PTPRD: variants seen among roughly 807,000 people sequenced by gnomAD.
PTPRD encodes the protein protein tyrosine phosphatase receptor type D.
PTPRD carries 34 observed loss-of-function variants against 214.5 expected under a neutral mutation model. The observed-to-expected ratio is 0.16, with a 90% CI of 0.12 to 0.21. The LOEUF (loss-of-function observed/expected upper bound fraction) is 0.21, where lower values mean the gene tolerates loss of function less well. Among genes scored for constraint, PTPRD ranks in the 10% least tolerant of loss-of-function variants. The probability of loss-of-function intolerance (pLI) is 1.00; values close to 1 mark genes in which losing one functional copy is unlikely to be tolerated. For synonymous variants in PTPRD, 1,128 were observed against 845.7 expected (o/e 1.33, Z -5.79); for missense variants, 2,545 against 2,398.7 (o/e 1.06, Z -1.27).
At chr9:9,941,898 A>G (rs2091558887) in intron 4 of PTPRD, among the ~76,000 whole-genome samples, 1 of 152,222 alleles carries the variant, frequency 6.6e-6, no homozygotes, top group Non-Finnish European at 1.5e-5. Flanking sequence ...TTAGCTAACT[A>G]TGACAACAAA....
At chr9:8,602,818 T>G (rs1160607527) in intron 14 of PTPRD, among the ~76,000 whole-genome samples, 3 of 152,206 alleles carry the variant, frequency 2.0e-5, no homozygotes, top group Non-Finnish European at 4.4e-5. Context: ...AAAATGAATG[T>G]GAATATCTTT....
intron 5 of PTPRD, among the ~76,000 whole-genome samples, chr9:9,817,313 G>C (rs1377017661): frequency 6.6e-6 from 1 of 152,098 alleles, no homozygotes; most frequent in Non-Finnish European, 1.5e-5. Flanking sequence ...TTTGTTTTTA[G>C]ATTAACATAC....
intron 11 of PTPRD, among the ~76,000 whole-genome samples, chr9:8,760,660 G>A (rs2094357194): frequency 6.6e-6 from 1 of 151,572 alleles, no homozygotes; most frequent in Admixed American, 6.6e-5. Context: ...GTTTTATGGA[G>A]GTGCCTAGTC....
chr9:9,406,601 T>C (rs2073491437), intron 8 of PTPRD, among the ~76,000 whole-genome samples: 1 of 151,912 alleles, frequency 6.6e-6, no homozygotes, highest in South Asian at 2.1e-4. Flanking sequence ...AATTTTGATA[T>C]ATTTGATATG....
intron 9 of PTPRD, among the ~76,000 whole-genome samples, chr9:9,307,298 T>C (rs1353554634): frequency 6.6e-6 from 1 of 152,162 alleles, no homozygotes; most frequent in East Asian, 1.9e-4. Flanking sequence ...GTTTCTCTCT[T>C]GGAGGCTAGG....
intron 20 of PTPRD, among the ~76,000 whole-genome samples, chr9:8,520,279 G>A (rs1462974322): frequency 5.9e-5 from 9 of 152,078 alleles, no homozygotes; most frequent in Middle Eastern, 3.4e-3. Context: ...ATTATTTCAC[G>A]ATTGTAAATG....
intron 3 of PTPRD, among the ~76,000 whole-genome samples, chr9:10,082,248 T>A (rs2098251112): frequency 2.6e-5 from 4 of 152,126 alleles, no homozygotes; most frequent in Admixed American, 2.6e-4. Context: ...GTTTGATTGA[T>A]TAGTTGGTAC....
chr9:9,229,657 T>G (rs761705551), intron 9 of PTPRD, among the ~76,000 whole-genome samples: 1 of 151,916 alleles, frequency 6.6e-6, no homozygotes, highest in East Asian at 1.9e-4. Context: ...CTCCCCAAAA[T>G]CAAATAAGAC....
rs575145968 is a variant in PTPRD, at chr9:9,615,312, C to T, written c.-286-40531G>A. Among the ~76,000 whole-genome samples the T allele has an allele frequency of 2.2e-4, 33 of 152,232 alleles. No individual in the cohort carries two copies. The South Asian group carries it at 5.6e-3, about 26-fold the overall frequency. ...ACCTGGACTACCTTGCACTTCACAC[C>T]GGCCACCAGGCGCTGATCTGTTGCT... On this transcript the variant is annotated intron_variant, in intron 7 of 45. Transcript: ENST00000381196.
chr9:9,517,297 T>C (rs868013187), intron 8 of PTPRD, among the ~76,000 whole-genome samples: 27 of 152,090 alleles, frequency 1.8e-4, no homozygotes, highest in Admixed American at 7.2e-4. Flanking sequence ...TCAGTTTGTA[T>C]GGGGTAGGGA....
At chr9:8,524,811 T>G (rs1460326636) in intron 18 of PTPRD, 114 bp downstream of exon 18, 4 of 866,308 alleles carry the variant, frequency 4.6e-6, no homozygotes, top group Non-Finnish European at 5.9e-6. Flanking sequence ...TCAGCTACGG[T>G]CACTATTACC....
chr9:9,723,518 A>G (rs1478444274), intron 7 of PTPRD, among the ~76,000 whole-genome samples: 1 of 152,056 alleles, frequency 6.6e-6, no homozygotes, highest in Non-Finnish European at 1.5e-5. Context: ...GGTCCTTGAC[A>G]ATGCCATGTG....
At chr9:10,385,960 C>T (rs2097906754) in intron 2 of PTPRD, among the ~76,000 whole-genome samples, 1 of 151,762 alleles carries the variant, frequency 6.6e-6, no homozygotes, top group Non-Finnish European at 1.5e-5. Flanking sequence ...ATTAAAACAG[C>T]ATCTTTTGAA....
rs141998183 is a variant in PTPRD at position 9,305,035 on chromosome 9, C to T, written c.-203+92414G>A. Among the ~76,000 whole-genome samples the T allele has an allele frequency of 1.6e-3, 245 of 149,754 alleles. 1 individual carries two copies. Among genetic ancestry groups the T allele is most frequent in the African/African-American group, 5.9e-3 (238 of 40,542 alleles). On this transcript the variant is annotated intron_variant, in intron 9 of 45. Coordinates refer to ENST00000381196, the MANE Select transcript of PTPRD (RefSeq NM_002839.4). ...CCCTTAGTTTTCGGTCAATACTTCA[C>T]GCCCACCTGTTAGAGTCCCTAGTCC... is the stretch of plus-strand genomic sequence containing the variant.
rs1379830204 is a variant in PTPRD at position 8,447,681 on chromosome 9, G to C, written c.3988+2044C>G. ...GGAAACATTTTCTGTTGGTGCGAGA[G>C]GAGGTGAGGTGTAGCAGCACTCTCA... On this transcript the variant is annotated intron_variant, in intron 34 of 45. Coordinates refer to ENST00000381196, the MANE Select transcript of PTPRD (RefSeq NM_002839.4). Among the ~76,000 whole-genome samples, 3 of 152,128 alleles carry C rather than the reference G, an allele frequency of 2.0e-5. No homozygotes were observed. The East Asian group carries it at 5.8e-4, about 29-fold the overall frequency.
chr9:9,165,697 A>G (rs1177531912), intron 10 of PTPRD, among the ~76,000 whole-genome samples: 1 of 152,222 alleles, frequency 6.6e-6, no homozygotes, highest in Non-Finnish European at 1.5e-5. Context: ...AGCAATGTGT[A>G]CATTTCACGG....
Position 10,167,550 on chromosome 9 carries a change from G to C in PTPRD, c.-544-133760C>G, listed in dbSNP as rs932047413. Among the ~76,000 whole-genome samples, 81 of 152,216 alleles carry C rather than the reference G, an allele frequency of 5.3e-4. 1 individual carries two copies. Among genetic ancestry groups the C allele is most frequent in the Admixed American group, 4.4e-3 (68 of 15,284 alleles). On this transcript the variant is annotated intron_variant, in intron 3 of 45. Coordinates refer to ENST00000381196, the MANE Select transcript of PTPRD (RefSeq NM_002839.4). ...GAAATGGAATACTCTTTTCTGAACT[G>C]TAATTTTTAGGAAAGTATTATGCAT...
intron 12 of PTPRD, among the ~76,000 whole-genome samples, chr9:8,652,942 G>A (rs922591858): frequency 6.6e-6 from 1 of 152,078 alleles, no homozygotes. Flanking sequence ...AAAGCCTCTG[G>A]GATCTCAAAA....
intron 34 of PTPRD, among the ~76,000 whole-genome samples, chr9:8,447,653 C>A (rs559685567): frequency 6.6e-6 from 1 of 152,252 alleles, no homozygotes; most frequent in Non-Finnish European, 1.5e-5. Context: ...TGTGTTTATT[C>A]CCGGAAACAT....
Sources: gnomAD v4.1 joint callset for allele counts (sites outside exome capture counted in the v4.1 genomes callset) on GRCh38, gnomAD v4.1.1 for gene constraint, MANE v1.5 for transcripts, NCBI Gene and HGNC (gene_info 2026-07-23, HGNC 2026-07-21) for gene names.